The following DESI2 variants were observed in gnomAD, a reference collection of about 807,000 sequenced individuals.
The protein encoded by DESI2 is desumoylating isopeptidase 2.
In DESI2, 10 loss-of-function variants were observed where a neutral mutation model predicts 24.1. The observed-to-expected ratio is 0.41, with a 90% CI of 0.26 to 0.70. DESI2 has a LOEUF of 0.70. Ranked by LOEUF, DESI2 falls within the 30% of genes least tolerant of loss-of-function variation. DESI2 has a pLI of 0.29. For missense variants in DESI2, 122 were observed against 234.9 expected, an observed-to-expected ratio of 0.52 and a Z score of 3.14; for synonymous variants, 71 against 87.7, an observed-to-expected ratio of 0.81 and a Z score of 1.06.
Position 244,689,566 on chromosome 1 carries a change from GT to G in DESI2, c.209+225del, listed in dbSNP as rs1479498171. 6.6e-6 allele frequency among the ~76,000 whole-genome samples: 1 copy of G among 151,780 alleles called. No homozygotes were observed. On this transcript the variant is annotated intron_variant, in intron 3 of 4. Transcript: ENST00000302550. This position sits in a 1 kb window ranked among gnomAD's most constrained non-coding sequence, Gnocchi z 4.0. ...ACTCTGTCTCCCAGGCTGGAGAGAA[GT>G]GGCGTGATCTCAGCTCACTGCAGCG... is the stretch of plus-strand genomic sequence containing the variant.
intron 1 of DESI2, among the ~76,000 whole-genome samples, chr1:244,684,496 T>C (rs542921755): frequency 1.6e-4 from 25 of 152,324 alleles, no homozygotes; most frequent in Admixed American, 1.4e-3. Flanking sequence ...GGCTAACTTA[T>C]TTTTCAAAAA....
chr1:244,689,654 C>T lies in DESI2; in HGVS notation c.209+312C>T, dbSNP rs541326996. Among the ~76,000 whole-genome samples, 2 of 152,190 alleles carry T rather than the reference C, an allele frequency of 1.3e-5. No homozygotes were observed. Among genetic ancestry groups the T allele is most frequent in the South Asian group, 4.2e-4 (2 of 4,816 alleles). ...GCTCCCAAGTAGCTGGGATTACAGG[C>T]GTGCACCACGACGTCCGGCTAATTT... On this transcript the variant is annotated intron_variant, in intron 3 of 4. Coordinates refer to ENST00000302550, the MANE Select transcript of DESI2 (RefSeq NM_016076.5). The surrounding 1 kb of genome is among the most constrained non-coding windows in gnomAD (Gnocchi z 4.0).
chr1:244,665,963 G>A (rs965348723), intron 1 of DESI2, among the ~76,000 whole-genome samples: 4 of 152,122 alleles, frequency 2.6e-5, no homozygotes, highest in Admixed American at 6.5e-5. Flanking sequence ...CATCTACACC[G>A]CGGCAGCTGA....
chr1:244,653,386 T>G, intron 1 of DESI2, 31 bp downstream of exon 1: 1 of 1,539,900 alleles, frequency 6.5e-7, no homozygotes, highest in South Asian at 1.2e-5. Flanking sequence ...CCCCGAGCCC[T>G]GGCCCAGGCC....
At chr1:244,666,533 G>T (rs569913424) in intron 1 of DESI2, among the ~76,000 whole-genome samples, 3 of 152,092 alleles carry the variant, frequency 2.0e-5, no homozygotes, top group Admixed American at 2.0e-4. Flanking sequence ...ATATTGTATC[G>T]TGTTCTCAAG....
Position 244,653,188 on chromosome 1 carries a change from C to T in DESI2, c.-126C>T, listed in dbSNP as rs558073711. ...TGCCCGATGCTTCCGCCCCGGCTGC[C>T]GCGGGCCGGGCTGTACGCTTAGTGC... On this transcript the variant is annotated 5_prime_UTR_variant, in exon 1 of 5. Transcript: ENST00000302550. 213 of 986,254 alleles carry T rather than the reference C, an allele frequency of 2.2e-4. 2 individuals carry two copies. In the South Asian group the frequency reaches 4.0e-3, roughly 19 times the overall value. 61.1% of individuals were successfully genotyped at this position (986,254 alleles called of 1,614,324 possible).
At chr1:244,668,691 A>G (rs1676134752) in intron 1 of DESI2, among the ~76,000 whole-genome samples, 1 of 152,242 alleles carries the variant, frequency 6.6e-6, no homozygotes, top group Non-Finnish European at 1.5e-5. Flanking sequence ...AGCAGGAAGC[A>G]TAAAATTTTA....
intron 4 of DESI2, among the ~76,000 whole-genome samples, chr1:244,697,203 CACAGAAATAT>C (rs1231411164): frequency 2.6e-5 from 4 of 152,042 alleles, no homozygotes; most frequent in African/African-American, 9.7e-5. Context: ...ACCTTTGACT[CACAGAAATAT>C]AACAGAAGGA....
intron 4 of DESI2, among the ~76,000 whole-genome samples, chr1:244,703,693 C>G (rs1026127773): frequency 6.7e-6 from 1 of 148,882 alleles, no homozygotes; most frequent in South Asian, 2.1e-4. Context: ...GAGTCTTGCT[C>G]TGTTGCCCCG....
At chr1:244,699,802 T>A (rs1677370862) in intron 4 of DESI2, among the ~76,000 whole-genome samples, 1 of 152,140 alleles carries the variant, frequency 6.6e-6, no homozygotes, top group African/African-American at 2.4e-5. Context: ...CTGATCATCT[T>A]TGTTTTTCAA....
At position 244,699,313 on chromosome 1, in the gene DESI2, G is replaced by A. The variant is rs1677345594; in HGVS notation, c.352-6243G>A. Among the ~76,000 whole-genome samples the A allele has an allele frequency of 2.0e-5, 3 of 152,028 alleles. No homozygotes were observed. The South Asian group carries it at 6.2e-4, about 31-fold the overall frequency. ...TAAAAATATTTTCTGGCCAGGTGCG[G>A]TGGCTCATGCCTGTAATCCCAACGC... On this transcript the variant is annotated intron_variant, in intron 4 of 4. Transcript: ENST00000302550.
intron 1 of DESI2, among the ~76,000 whole-genome samples, chr1:244,681,602 C>T (rs1421291046): frequency 1.3e-5 from 2 of 152,154 alleles, no homozygotes; most frequent in Non-Finnish European, 2.9e-5. Context: ...TCCACAGCTG[C>T]CCACCTCTTG....
chr1:244,684,862 G>A (rs1401136518), intron 1 of DESI2, among the ~76,000 whole-genome samples: 1 of 152,116 alleles, frequency 6.6e-6, no homozygotes, highest in Non-Finnish European at 1.5e-5. Flanking sequence ...AACTTTTGCT[G>A]CCCAAACTCT....
At chr1:244,682,005 C>T (rs1336815543) in intron 1 of DESI2, among the ~76,000 whole-genome samples, 1 of 152,164 alleles carries the variant, frequency 6.6e-6, no homozygotes, top group Non-Finnish European at 1.5e-5. Context: ...TCCAGAGTTT[C>T]TTCCTTCCAG....
At chr1:244,665,549 G>A (rs1022430272) in intron 1 of DESI2, among the ~76,000 whole-genome samples, 4 of 152,094 alleles carry the variant, frequency 2.6e-5, no homozygotes, top group African/African-American at 7.2e-5. Flanking sequence ...GCTATGTGTC[G>A]ACTTGAGTAG....
At chr1:244,653,455 T>C (rs1020498362) in intron 1 of DESI2, 100 bp downstream of exon 1, 1 of 1,270,568 alleles carries the variant, frequency 7.9e-7, no homozygotes, top group South Asian at 1.4e-5. Context: ...GCCTGGCGTC[T>C]CCGCCTCCAG....
intron 4 of DESI2, among the ~76,000 whole-genome samples, chr1:244,698,194 AAAG>A (rs1314222630): frequency 6.6e-6 from 1 of 152,236 alleles, no homozygotes; most frequent in African/African-American, 2.4e-5. Context: ...GCAATGCTGC[AAAG>A]AAGTTGTTAG....
chr1:244,701,212 T>TC, intron 4 of DESI2, among the ~76,000 whole-genome samples: 1 of 57,720 alleles, frequency 1.7e-5, no homozygotes. Context: ...CACCTTCCCC[T>TC]CCACCCCCCC....
chr1:244,701,809 T>G (rs1677476872), intron 4 of DESI2, among the ~76,000 whole-genome samples: 1 of 152,252 alleles, frequency 6.6e-6, no homozygotes, highest in Admixed American at 6.5e-5. Context: ...TATTCCTCAC[T>G]TCTTTTTTTA....
Sources: allele counts gnomAD v4.1 joint callset (sites outside exome capture counted in the v4.1 genomes callset), GRCh38; gene constraint gnomAD v4.1.1; non-coding constraint Gnocchi (gnomAD v3.1); transcripts MANE v1.5; gene names NCBI Gene and HGNC (gene_info 2026-07-23, HGNC 2026-07-21).